The following CFAP47 variants were observed in gnomAD, a reference collection of about 807,000 sequenced individuals.
CFAP47 encodes cilia and flagella associated protein 47.
CFAP47 carries 29 observed loss-of-function variants against 148.1 expected under a neutral mutation model. That is an observed-to-expected ratio of 0.20 (90% CI 0.15 to 0.27). The LOEUF (loss-of-function observed/expected upper bound fraction) is 0.27. Among genes scored for constraint, CFAP47 ranks in the 10% least tolerant of loss-of-function variants. The probability of loss-of-function intolerance (pLI) is 1.00; values close to 1 mark genes in which losing one functional copy is unlikely to be tolerated. For synonymous variants in CFAP47, 664 were observed against 577.3 expected (o/e 1.15, Z -2.15); for missense variants, 1,872 against 1,697.5 (o/e 1.10, Z -1.81).
intron 2 of CFAP47, among the ~76,000 whole-genome samples, chrX:35,939,401 G>A (rs1220980847): frequency 6.0e-5 from 6 of 100,245 alleles, no homozygotes; most frequent in African/African-American, 2.2e-4. Context: ...CCATTAACTC[G>A]TCATCTAGCA....
At chrX:36,235,555 G>C (rs1056379017) in intron 46 of CFAP47, among the ~76,000 whole-genome samples, 14 of 112,546 alleles carry the variant, frequency 1.2e-4, no homozygotes, top group African/African-American at 3.6e-4. Flanking sequence ...GGAACTCCCT[G>C]ACCTCTTGTG....
chrX:36,261,962 C>G (rs1431411442), intron 49 of CFAP47, among the ~76,000 whole-genome samples: 1 of 109,771 alleles, frequency 9.1e-6, no homozygotes, highest in South Asian at 3.8e-4. Context: ...GCTGACCCCC[C>G]ACCTCCCTCC....
chrX:36,160,848 T>TTA, intron 39 of CFAP47, 79 bp downstream of exon 39: 1 of 250,700 alleles, frequency 4.0e-6, no homozygotes, highest in Non-Finnish European at 6.9e-6. Context: ...TTTTCTTTCT[T>TTA]TCTTTTTTTT....
At chrX:36,371,775 CATGTGTATAT>C (rs1290485316) in intron 62 of CFAP47, among the ~76,000 whole-genome samples, 3 of 44,044 alleles carry the variant, frequency 6.8e-5, no homozygotes, top group Admixed American at 4.2e-4. Context: ...TATATACACA[CATGTGTATAT>C]ATGTGTGTAT....
intron 33 of CFAP47, among the ~76,000 whole-genome samples, chrX:36,113,872 C>T (rs920941467): frequency 2.8e-5 from 3 of 106,656 alleles, no homozygotes; most frequent in East Asian, 3.0e-4. Context: ...TGCAGTGGCA[C>T]GATCTCGGCT....
chrX:36,023,619 A>G (rs893651820), intron 22 of CFAP47, among the ~76,000 whole-genome samples: 5 of 111,686 alleles, frequency 4.5e-5, no homozygotes, highest in African/African-American at 1.3e-4. Context: ...AAAACCTTAC[A>G]TGTTTCTCTG....
intron 2 of CFAP47, among the ~76,000 whole-genome samples, chrX:35,930,011 A>T (rs1339447355): frequency 1.4e-4 from 16 of 110,377 alleles, no homozygotes; most frequent in African/African-American, 5.3e-4. Flanking sequence ...AAACAAAACA[A>T]AACAAACAAA....
intron 37 of CFAP47, among the ~76,000 whole-genome samples, chrX:36,152,224 A>G (rs1192511471): frequency 9.0e-6 from 1 of 111,411 alleles, no homozygotes; most frequent in Non-Finnish European, 1.9e-5. Context: ...GATTACAGCA[A>G]TCAAGGTATT....
At chrX:36,282,683 C>G (rs1165088852) in intron 50 of CFAP47, among the ~76,000 whole-genome samples, 1 of 111,551 alleles carries the variant, frequency 9.0e-6, no homozygotes. Context: ...ACACCTAAAT[C>G]AGAATGTTTT....
At chrX:35,988,880 A>G (rs909875602) in intron 15 of CFAP47, among the ~76,000 whole-genome samples, 19 of 111,949 alleles carry the variant, frequency 1.7e-4, no homozygotes, top group Admixed American at 1.5e-3. Flanking sequence ...GGTAATGATA[A>G]TTCTTCCTTC....
At chrX:36,278,596 A>G (rs1245083886) in intron 49 of CFAP47, among the ~76,000 whole-genome samples, 1 of 111,859 alleles carries the variant, frequency 8.9e-6, no homozygotes, top group Non-Finnish European at 1.9e-5. Flanking sequence ...TGTGGGCTGC[A>G]CTCACTCTCC....
At chrX:36,111,961 A>G (rs1267451409) in intron 33 of CFAP47, among the ~76,000 whole-genome samples, 1 of 110,932 alleles carries the variant, frequency 9.0e-6, no homozygotes, top group Non-Finnish European at 1.9e-5. Flanking sequence ...ACCCTTTGTA[A>G]TTTCTAATTG....
intron 36 of CFAP47, among the ~76,000 whole-genome samples, chrX:36,147,739 C>T (rs778279653): frequency 4.5e-5 from 5 of 112,221 alleles, no homozygotes; most frequent in Non-Finnish European, 7.5e-5. Context: ...ACCAAAGTTT[C>T]CATTGAACTA....
intron 44 of CFAP47, among the ~76,000 whole-genome samples, chrX:36,202,999 C>T (rs185379860): frequency 0.013 from 1,400 of 111,100 alleles, 19 homozygotes; most frequent in African/African-American, 0.042. Flanking sequence ...TATCAAAGTA[C>T]TTGGCATTGT....
chrX:36,371,918 A>G (rs1941967168), intron 62 of CFAP47, among the ~76,000 whole-genome samples: 1 of 54,152 alleles, frequency 1.8e-5, no homozygotes, highest in Non-Finnish European at 2.7e-5. Context: ...ATGTGTGTAT[A>G]TATGTGTATA....
rs1037892799 is a variant in CFAP47 at position 36,361,323 on chromosome X, T to C, written c.8852-7T>C. 3.9e-6 allele frequency: 4 copies of C among 1,020,494 alleles called. No homozygotes were observed. Among genetic ancestry groups the C allele is most frequent in the Admixed American group, 3.2e-5 (1 of 31,474 alleles). 84.1% of individuals were successfully genotyped at this position (1,020,494 alleles called of 1,213,427 possible). A position where few individuals can be genotyped will look rare whatever the true frequency, so the allele number is the denominator to read the frequency against. Reference sequence around the variant, plus strand: ...ATTGAAATATATTTTCATCTTGACTTTCCTAGAAATTCCTAAAATACATGA... The same window carrying C: ...ATTGAAATATATTTTCATCTTGACTCTCCTAGAAATTCCTAAAATACATGA... On this transcript the variant is annotated splice_region_variant and splice_polypyrimidine_tract_variant and intron_variant, in intron 60 of 63. Transcript: ENST00000378653.
At chrX:36,062,539 A>G (rs1021861448) in intron 26 of CFAP47, among the ~76,000 whole-genome samples, 2 of 111,866 alleles carry the variant, frequency 1.8e-5, no homozygotes, top group African/African-American at 6.5e-5. Context: ...AATGAATTGT[A>G]TGTGGTCATC....
chrX:36,127,218 TGGTTTTA>T (rs1435914267), intron 33 of CFAP47, among the ~76,000 whole-genome samples: 1 of 112,231 alleles, frequency 8.9e-6, no homozygotes, highest in Non-Finnish European at 1.9e-5. Flanking sequence ...AGGGTTTTTA[TGGTTTTA>T]GGTTTTAGGT....
Position 36,138,039 on chromosome X carries a change from C to A in CFAP47, c.5402C>A (p.Ala1801Asp). 2 of 876,663 alleles carry A rather than the reference C, an allele frequency of 2.3e-6. No homozygotes were observed. Among genetic ancestry groups the A allele is most frequent in the Non-Finnish European group, 3.3e-6 (2 of 601,016 alleles). The allele number at this position is 876,663 out of a possible 1,213,427, so 72.2% of individuals were successfully genotyped here. ...DGLVFATQLG[A>D]YCPFLIESHF... is the part of the protein sequence containing the mutation. ...CTTGTTTTTGCAACACAGTTGGGAG[C>A]CTATTGCCCATTCTTGGTAAGAGTC... is the stretch of plus-strand genomic sequence containing the variant. Residue 1801 changes from alanine (A) to aspartate (D), a missense_variant, in exon 34 of 64, where the codon GCC becomes GAC. Ala to Asp is a moderately radical substitution (Grantham distance 126). Transcript: ENST00000378653.
Sources: allele counts gnomAD v4.1 joint callset (sites outside exome capture counted in the v4.1 genomes callset), GRCh38; gene constraint gnomAD v4.1.1; transcripts MANE v1.5; gene names NCBI Gene and HGNC (gene_info 2026-07-23, HGNC 2026-07-21).